PALM2AKAP2: variants seen among roughly 807,000 people sequenced by gnomAD.
The protein encoded by PALM2AKAP2 is PALM2-AKAP2 fusion protein.
In PALM2AKAP2, 37 loss-of-function variants were observed where a neutral mutation model predicts 71.5. The ratio of observed to expected loss-of-function variants is 0.52; its 90% CI spans 0.40 to 0.68. The LOEUF is 0.68. PALM2AKAP2 is among the 30% of genes least tolerant of loss of function. PALM2AKAP2 has a pLI of 0.00. For synonymous variants in PALM2AKAP2, 468 were observed against 478.8 expected, an observed-to-expected ratio of 0.98 and a Z score of 0.29; for missense variants, 1,224 against 1,191.8, an observed-to-expected ratio of 1.03 and a Z score of -0.40.
chr9:109,880,771 T>C (rs1027968770), intron 3 of PALM2AKAP2, 90 bp downstream of exon 3: 5 of 1,482,708 alleles, frequency 3.4e-6, no homozygotes, highest in Non-Finnish European at 4.5e-6. Context: ...TCAATACTGT[T>C]ACCTTCTCCT....
chr9:109,853,505 TG>T (rs1829075548), intron 1 of PALM2AKAP2, among the ~76,000 whole-genome samples: 1 of 152,260 alleles, frequency 6.6e-6, no homozygotes, highest in South Asian at 2.1e-4. Context: ...GACTGCATAA[TG>T]GTGCAGATAT....
At chr9:110,153,043 C>T (rs1327697993) in intron 2 of PALM2AKAP2, among the ~76,000 whole-genome samples, 2 of 152,164 alleles carry the variant, frequency 1.3e-5, no homozygotes, top group Non-Finnish European at 2.9e-5. Context: ...CCCCCTTGTT[C>T]CTGGAAGCCC....
rs1017340246 is a variant in PALM2AKAP2 at position 109,953,851 on chromosome 9, A to G, written c.496+21823A>G. ...CTCCATCTCAAAAAAAAAAAAAAAA[A>G]AAAAGAAAAGAAAGTAGTGTGGAGA... On this transcript the variant is annotated intron_variant, in intron 6 of 9. Coordinates refer to the PALM2AKAP2 transcript ENST00000302798. Among the ~76,000 whole-genome samples, 75 of 151,560 alleles carry G rather than the reference A, an allele frequency of 4.9e-4. 1 individual carries two copies. The highest frequency in any genetic ancestry group is 1.3e-3 in the South Asian group (6 of 4,788).
At chr9:109,724,104 A>T (rs942911268) in intron 1 of PALM2AKAP2, among the ~76,000 whole-genome samples, 1 of 152,238 alleles carries the variant, frequency 6.6e-6, no homozygotes, top group African/African-American at 2.4e-5. Flanking sequence ...CACAGACATC[A>T]TCTCTTTATA....
intron 1 of PALM2AKAP2, among the ~76,000 whole-genome samples, chr9:109,786,729 G>A (rs1564148150): frequency 6.6e-6 from 1 of 152,076 alleles, no homozygotes; most frequent in Non-Finnish European, 1.5e-5. Flanking sequence ...TCAGTCTTCA[G>A]CTTATTGGGA....
chr9:109,780,042 C>T (rs1221280999), upstream of PALM2AKAP2, among the ~76,000 whole-genome samples: 1 of 151,522 alleles, frequency 6.6e-6, no homozygotes, highest in Non-Finnish European at 1.5e-5. Flanking sequence ...CTCGCGCGCC[C>T]TCCGTCTGCG....
In PALM2AKAP2 at chr9:109,885,841, G is replaced by A. The variant is rs558585863; in HGVS notation, c.257+5160G>A. Among the ~76,000 whole-genome samples the A allele has an allele frequency of 5.9e-5, 9 of 152,304 alleles. No homozygotes were observed. The South Asian group carries it at 6.2e-4, about 11-fold the overall frequency. On this transcript the variant is annotated intron_variant, in intron 3 of 9. Coordinates refer to the PALM2AKAP2 transcript ENST00000302798. Reference sequence around the variant, plus strand: ...CCAGGCTAAAGATGATCCAGGTCAGGAAAACTGTGTGCTTTACCAAAGGCC... The same window carrying A: ...CCAGGCTAAAGATGATCCAGGTCAGAAAAACTGTGTGCTTTACCAAAGGCC...
rs181292329 is a variant in PALM2AKAP2 at position 109,742,862 on chromosome 9, G to T, written c.6-37626G>T. Among the ~76,000 whole-genome samples, 574 of 152,174 alleles carry T rather than the reference G, an allele frequency of 3.8e-3. 3 individuals carry two copies. Among genetic ancestry groups the T allele is most frequent in the African/African-American group, 0.013 (555 of 41,520 alleles). On this transcript the variant is annotated intron_variant, in intron 1 of 6. Coordinates refer to the PALM2AKAP2 transcript ENST00000374531. The stretch of plus-strand genomic sequence containing the variant: ...ACTTCCCTTGAAAATTTCCAGAAAG[G>T]CTCAGAAACAAGAAAAAAATCTCAC...
At chr9:109,980,677 A>G (rs886102655) in intron 6 of PALM2AKAP2, among the ~76,000 whole-genome samples, 6 of 152,178 alleles carry the variant, frequency 3.9e-5, no homozygotes, top group African/African-American at 1.4e-4. Context: ...GGAAACCTAC[A>G]GGTTAACAGG....
chr9:109,918,260 A>G (rs934753037), intron 3 of PALM2AKAP2, among the ~76,000 whole-genome samples: 3 of 152,336 alleles, frequency 2.0e-5, no homozygotes, highest in Admixed American at 2.0e-4. Context: ...TTGAAATAAG[A>G]GCATGATCGA....
intron 3 of PALM2AKAP2, among the ~76,000 whole-genome samples, chr9:109,883,798 T>C (rs1448506347): frequency 6.6e-6 from 1 of 152,222 alleles, no homozygotes; most frequent in East Asian, 1.9e-4. Flanking sequence ...GCTCTGCTGA[T>C]AGGGCTGAGC....
intron 1 of PALM2AKAP2, among the ~76,000 whole-genome samples, chr9:109,788,483 G>A (rs1261657619): frequency 6.6e-6 from 1 of 152,204 alleles, no homozygotes; most frequent in Non-Finnish European, 1.5e-5. Context: ...CAGATTGCAA[G>A]AGCACACTCC....
rs1034083442 is a variant in PALM2AKAP2 at position 109,915,429 on chromosome 9, A to G, written c.258-8306A>G. ...AAATATATATTGTGTTGCAATGTGC[A>G]TTCTTTAGGGAATGAAGGTAAAAGG... On this transcript the variant is annotated intron_variant, in intron 3 of 9. Coordinates refer to the PALM2AKAP2 transcript ENST00000302798. 1.1e-4 allele frequency among the ~76,000 whole-genome samples: 17 copies of G among 152,214 alleles called. 1 individual carries two copies. The highest frequency in any genetic ancestry group is 1.0e-3 in the Admixed American group (16 of 15,290).
In PALM2AKAP2 at chr9:109,869,430, G is replaced by A. The variant is rs369520088; in HGVS notation, c.126+1859G>A. Among the ~76,000 whole-genome samples the A allele has an allele frequency of 1.3e-4, 20 of 151,896 alleles. No individual in the cohort carries two copies. In the East Asian group the frequency reaches 2.7e-3, roughly 21 times the overall value. The stretch of plus-strand genomic sequence containing the variant: ...TGCAAGCTCCGCCTCCCAGGTTCAC[G>A]CCATTCTCCTGCCTCAGCCTCCTGA... On this transcript the variant is annotated intron_variant, in intron 2 of 9. Transcript: ENST00000302798.
At chr9:110,116,277 A>C (rs761012652) in intron 1 of PALM2AKAP2, among the ~76,000 whole-genome samples, 3 of 152,218 alleles carry the variant, frequency 2.0e-5, no homozygotes, top group Admixed American at 6.5e-5. Flanking sequence ...AGATTGAACA[A>C]ACCCAAAATA....
chr9:109,752,545 G>T (rs966817046), intron 1 of PALM2AKAP2, among the ~76,000 whole-genome samples: 2 of 152,118 alleles, frequency 1.3e-5, no homozygotes, highest in Non-Finnish European at 2.9e-5. Flanking sequence ...AAGCCTAGAG[G>T]TGTAGGAGCA....
chr9:109,651,139 C>G (rs1017888025), intron 1 of PALM2AKAP2, among the ~76,000 whole-genome samples: 1 of 152,134 alleles, frequency 6.6e-6, no homozygotes, highest in Non-Finnish European at 1.5e-5. Flanking sequence ...GCTTGCCTCT[C>G]TTACTCTTTG....
At chr9:109,647,668 A>G (rs949630438) in intron 1 of PALM2AKAP2, among the ~76,000 whole-genome samples, 3 of 152,144 alleles carry the variant, frequency 2.0e-5, no homozygotes, top group Non-Finnish European at 4.4e-5. Context: ...GTACATCATC[A>G]CTGTCAGTGG....
chr9:109,920,325 A>G (rs151307371), intron 3 of PALM2AKAP2, among the ~76,000 whole-genome samples: 53 of 152,098 alleles, frequency 3.5e-4, no homozygotes, highest in African/African-American at 1.2e-3. Flanking sequence ...TACTCTTCCC[A>G]TGGAAGTAAG....
Sources: gnomAD v4.1 joint callset for allele counts (sites outside exome capture counted in the v4.1 genomes callset) on GRCh38, gnomAD v4.1.1 for gene constraint, MANE v1.5 for transcripts, NCBI Gene and HGNC (gene_info 2026-07-23, HGNC 2026-07-21) for gene names.